Variants in SEMA4D observed in about 807,000 individuals in gnomAD.
SEMA4D encodes semaphorin-4D.
SEMA4D carries 22 observed loss-of-function variants against 74.8 expected under a neutral mutation model. The observed-to-expected ratio is 0.29, with a 90% CI of 0.21 to 0.42. The LOEUF is 0.42. Ranked by LOEUF, SEMA4D falls within the 10% of genes least tolerant of loss-of-function variation. The pLI, the probability that SEMA4D is intolerant of heterozygous loss-of-function variation, is 1.00. For missense variants in SEMA4D, 937 were observed against 1,118.4 expected, an observed-to-expected ratio of 0.84 and a Z score of 2.31; for synonymous variants, 445 against 463.7, an observed-to-expected ratio of 0.96 and a Z score of 0.52.
At chr9:89,386,265 G>T in intron 13 of SEMA4D, 102 bp downstream of exon 13, 2 of 1,044,928 alleles carry the variant, frequency 1.9e-6, no homozygotes, top group Non-Finnish European at 2.8e-6. Context: ...AGACAGAGGG[G>T]CCTGCCCAGG....
chr9:89,371,535 TG>T (rs1564499099), intron 16 of SEMA4D, among the ~76,000 whole-genome samples: 2 of 12,202 alleles, frequency 1.6e-4, no homozygotes, highest in African/African-American at 2.8e-4. Flanking sequence ...GGTGTGTGTG[TG>T]GGGGTGTGTT....
intron 2 of SEMA4D, among the ~76,000 whole-genome samples, chr9:89,413,314 C>A (rs552399267): frequency 6.6e-6 from 1 of 152,370 alleles, no homozygotes; most frequent in South Asian, 2.1e-4. Flanking sequence ...CCTGTCAGTA[C>A]TTGTCAGAAG....
At chr9:89,365,488 G>A (rs1034029672) in intron 16 of SEMA4D, 3 of 152,230 alleles carry the variant, frequency 2.0e-5, no homozygotes, top group East Asian at 1.9e-4. Context: ...GACCAGTGCC[G>A]GCCATGGCCT....
intron 18 of SEMA4D, chr9:89,363,312 C>A: frequency 6.9e-7 from 1 of 1,444,702 alleles, no homozygotes. Context: ...TGCTCCGGGG[C>A]TAAGAGGGAA....
intron 4 of SEMA4D, among the ~76,000 whole-genome samples, chr9:89,399,922 C>T (rs527548343): frequency 2.1e-4 from 30 of 140,156 alleles, no homozygotes; most frequent in African/African-American, 7.3e-4. Flanking sequence ...CTCTTGAACC[C>T]GGGAGGCGAA....
chr9:89,378,789 C>T lies in SEMA4D; in HGVS notation c.2504G>A (p.Arg835Lys), dbSNP rs1836296090. 6.2e-7 allele frequency: 1 copy of T among 1,614,198 alleles called. No homozygotes were observed. Among genetic ancestry groups the T allele is most frequent in the African/African-American group, 1.3e-5 (1 of 75,046 alleles). ...GTCCCTGGCAGAAAGGTCGTCGATC[C>T]TCTGTGAGTCCTCCCTATCCGTGGG... ...KVPTDREDSQ[R>K]IDDLSARDKP... Residue 835 changes from arginine (R) to lysine (K), a missense_variant, in exon 16 of 16, where the codon AGG becomes AAG. Coordinates refer to ENST00000422704, the MANE Select transcript of SEMA4D (RefSeq NM_001371194.2).
intron 2 of SEMA4D, among the ~76,000 whole-genome samples, chr9:89,453,581 C>A (rs1342548136): frequency 6.6e-6 from 1 of 152,238 alleles, no homozygotes; most frequent in Non-Finnish European, 1.5e-5. Context: ...GACCCCAGTA[C>A]CCCAGACCAA....
chr9:89,456,392 T>C (rs1221118791), intron 1 of SEMA4D, among the ~76,000 whole-genome samples: 3 of 152,230 alleles, frequency 2.0e-5, no homozygotes, highest in African/African-American at 7.2e-5. Context: ...GACACTGTAG[T>C]ACAAAGCTCC....
At chr9:89,488,350 A>ATTTTTTTTTTTT (rs1222488409) in intron 1 of SEMA4D, among the ~76,000 whole-genome samples, 1 of 80,426 alleles carries the variant, frequency 1.2e-5, no homozygotes, top group Non-Finnish European at 2.8e-5. Context: ...TGGATCACAG[A>ATTTTTTTTTTTT]TCTTTTTTTT....
Position 89,379,078 on chromosome 9 carries a change from G to A in SEMA4D, c.2215C>T (p.Leu739Phe), listed in dbSNP as rs776920378. ...AAGAGAACAAAGAAGAAGAGGAAGAGGGACATGAGGAGGCGGTTGTCGCTG... is the reference window on the plus strand; with the variant it reads ...AAGAGAACAAAGAAGAAGAGGAAGAAGGACATGAGGAGGCGGTTGTCGCTG... The part of the protein sequence containing the change: ...KSSDNRLLMS[L>F]FLFFFVLFLC... The change falls in exon 16 of 16, where the codon CTC becomes TTC. Residue 739 changes from leucine (L) to phenylalanine (F), a missense_variant. Transcript: ENST00000422704. The A allele has an allele frequency of 2.0e-5, 33 of 1,613,860 alleles. No individual in the cohort carries two copies. Among genetic ancestry groups the A allele is most frequent in the South Asian group, 8.8e-5 (8 of 91,068 alleles).
chr9:89,431,161 A>G (rs977992893), intron 2 of SEMA4D, among the ~76,000 whole-genome samples: 23 of 152,382 alleles, frequency 1.5e-4, no homozygotes, highest in East Asian at 9.6e-4. Flanking sequence ...AAGCTTACTC[A>G]TGTAAAAAAC....
At position 89,458,839 on chromosome 9, in the gene SEMA4D, C is replaced by A. The variant is rs199894109; in HGVS notation, c.-309-2886G>T. Among the ~76,000 whole-genome samples the A allele has an allele frequency of 4.4e-4, 67 of 152,072 alleles. 1 individual carries two copies. In the East Asian group the frequency reaches 0.012, roughly 27 times the overall value. ...ACACACACTCATACACACACGGATA[C>A]ATATGCCCACATGGATACACATACA... is the stretch of plus-strand genomic sequence containing the variant. On this transcript the variant is annotated intron_variant, in intron 1 of 15. Coordinates refer to ENST00000422704, the MANE Select transcript of SEMA4D (RefSeq NM_001371194.2).
intron 2 of SEMA4D, among the ~76,000 whole-genome samples, chr9:89,407,382 G>A (rs1372517012): frequency 6.6e-6 from 1 of 152,190 alleles, no homozygotes; most frequent in Non-Finnish European, 1.5e-5. Flanking sequence ...CTGTCAACAT[G>A]AAGATAAAAG....
At chr9:89,461,838 G>C (rs1172428871) in intron 1 of SEMA4D, among the ~76,000 whole-genome samples, 1 of 151,678 alleles carries the variant, frequency 6.6e-6, no homozygotes, top group African/African-American at 2.4e-5. Flanking sequence ...GAGTAGCTGG[G>C]ATTACAGGCG....
chr9:89,416,429 C>A (rs1845719847), intron 2 of SEMA4D, among the ~76,000 whole-genome samples: 2 of 148,802 alleles, frequency 1.3e-5, no homozygotes, highest in Admixed American at 6.8e-5. Context: ...TGCCTGTGAG[C>A]CCATCACACC....
chr9:89,478,851 A>G (rs778331612), intron 1 of SEMA4D, among the ~76,000 whole-genome samples: 2 of 139,384 alleles, frequency 1.4e-5, no homozygotes, highest in East Asian at 4.4e-4. Context: ...GCTGTGTTGC[A>G]TGTTACCCTG....
intron 13 of SEMA4D, among the ~76,000 whole-genome samples, chr9:89,382,395 CAG>C (rs1837314416): frequency 6.6e-6 from 1 of 152,244 alleles, no homozygotes; most frequent in Non-Finnish European, 1.5e-5. Flanking sequence ...CCTTCATCCT[CAG>C]AGGATACGCT....
At chr9:89,383,623 C>T (rs779744888) in intron 13 of SEMA4D, among the ~76,000 whole-genome samples, 10 of 152,128 alleles carry the variant, frequency 6.6e-5, no homozygotes, top group Non-Finnish European at 1.2e-4. Context: ...GTTCAGGTAA[C>T]GCACTGCACC....
chr9:89,401,021 T>A (rs1043941991), intron 4 of SEMA4D, among the ~76,000 whole-genome samples: 1 of 152,208 alleles, frequency 6.6e-6, no homozygotes, highest in Non-Finnish European at 1.5e-5. Flanking sequence ...GACCACCACA[T>A]CTTTCTGCTC....
Sources: allele counts gnomAD v4.1 joint callset (sites outside exome capture counted in the v4.1 genomes callset), GRCh38; gene constraint gnomAD v4.1.1; transcripts MANE v1.5; gene names NCBI Gene and HGNC (gene_info 2026-07-23, HGNC 2026-07-21).